DLG2: variants seen among roughly 807,000 people sequenced by gnomAD.
DLG2 encodes the protein disks large homolog 2.
Under a neutral mutation model 132.5 loss-of-function variants are expected in DLG2, and 45 were observed. The observed-to-expected ratio is 0.34, with a 90% CI of 0.27 to 0.44. The LOEUF is 0.44. Among genes scored for constraint, DLG2 ranks in the 20% least tolerant of loss-of-function variants. The pLI is 1.00. For synonymous variants in DLG2, 424 were observed against 419.6 expected (o/e 1.01, Z -0.13); for missense variants, 1,045 against 1,196.9 (o/e 0.87, Z 1.87).
intron 6 of DLG2, among the ~76,000 whole-genome samples, chr11:84,960,367 A>G (rs949068901): frequency 2.2e-4 from 33 of 152,182 alleles, no homozygotes; most frequent in Non-Finnish European, 2.9e-5. Flanking sequence ...AATTTTCCCT[A>G]AATTCCAACT....
chr11:84,725,981 C>T (rs1264912765), intron 6 of DLG2, among the ~76,000 whole-genome samples: 1 of 152,008 alleles, frequency 6.6e-6, no homozygotes, highest in African/African-American at 2.4e-5. Flanking sequence ...TCTCCTTAGA[C>T]CCTTTCTCAG....
intron 19 of DLG2, among the ~76,000 whole-genome samples, chr11:83,587,591 T>C (rs560783727): frequency 3.5e-4 from 53 of 152,334 alleles, no homozygotes; most frequent in African/African-American, 9.4e-4. Flanking sequence ...AGAATTTATA[T>C]ATAGAGAGAG....
In DLG2 at chr11:85,150,010, A is replaced by ATTTTTTTTTTTTTTTTTTTTTTTTT. The variant is rs962380618; in HGVS notation, c.282+4521_282+4545dup. Among the ~76,000 whole-genome samples the ATTTTTTTTTTTTTTTTTTTTTTTTT allele has an allele frequency of 1.3e-4, 15 of 112,304 alleles. 1 individual carries two copies. Among genetic ancestry groups the ATTTTTTTTTTTTTTTTTTTTTTTTT allele is most frequent in the African/African-American group, 4.2e-4 (11 of 26,096 alleles). The allele number at this position is 112,304 out of a possible 152,430, so 73.7% of individuals were successfully genotyped here. ...ATTAACTCAAAAACATCAGTTTTTAATTTTTTTTTTTTTTTTTTTTTTTTT... is the reference window on the plus strand; with the variant it reads ...ATTAACTCAAAAACATCAGTTTTTAATTTTTTTTTTTTTTTTTTTTTTTTTTTTTTTTTTTTTTTTTTTTTTTTTT... On this transcript the variant is annotated intron_variant, in intron 5 of 27. Transcript: ENST00000376104.
At chr11:85,192,360 T>C (rs1404769821) in intron 4 of DLG2, among the ~76,000 whole-genome samples, 2 of 152,192 alleles carry the variant, frequency 1.3e-5, no homozygotes, top group East Asian at 1.9e-4. Context: ...AATTAATTCA[T>C]CCAAGGAATT....
At chr11:83,808,441 A>G (rs2046463623) in intron 17 of DLG2, among the ~76,000 whole-genome samples, 1 of 152,112 alleles carries the variant, frequency 6.6e-6, no homozygotes, top group Non-Finnish European at 1.5e-5. Flanking sequence ...AAGAGGCATT[A>G]AGTCAGTAAG....
At chr11:83,844,087 G>C (rs1401139628) in intron 16 of DLG2, among the ~76,000 whole-genome samples, 1 of 152,130 alleles carries the variant, frequency 6.6e-6, no homozygotes, top group African/African-American at 2.4e-5. Context: ...GCATGAATAG[G>C]ACTGTGTGAG....
chr11:84,867,741 G>C (rs2084806178), intron 6 of DLG2, among the ~76,000 whole-genome samples: 1 of 152,084 alleles, frequency 6.6e-6, no homozygotes. Context: ...ACACATCAAG[G>C]GTACCAGAGT....
chr11:85,552,631 A>G (rs1426147139), intron 3 of DLG2, among the ~76,000 whole-genome samples: 1 of 151,716 alleles, frequency 6.6e-6, no homozygotes, highest in Non-Finnish European at 1.5e-5. Flanking sequence ...CTAAAAAGGC[A>G]TTAACATTTT....
At chr11:84,233,487 T>C (rs2097121595) in intron 8 of DLG2, among the ~76,000 whole-genome samples, 1 of 152,186 alleles carries the variant, frequency 6.6e-6, no homozygotes, top group African/African-American at 2.4e-5. Flanking sequence ...GCCAGGCATG[T>C]CCAACATGGA....
chr11:83,652,895 C>T (rs2071043523), intron 18 of DLG2, among the ~76,000 whole-genome samples: 1 of 152,148 alleles, frequency 6.6e-6, no homozygotes. Context: ...ACATTACTAG[C>T]TCACACCTTC....
chr11:85,296,467 C>CTTTTTTTTTTTTTTTTTTTTCTT (rs66526147), intron 3 of DLG2, among the ~76,000 whole-genome samples: 1 of 121,556 alleles, frequency 8.2e-6, no homozygotes, highest in African/African-American at 3.1e-5. Context: ...TTTCGATTTT[C>CTTTTTTTTTTTTTTTTTTTTCTT]TTTTTTTTTT....
chr11:85,370,000 T>G (rs1480338392), intron 3 of DLG2, among the ~76,000 whole-genome samples: 1 of 152,234 alleles, frequency 6.6e-6, no homozygotes, highest in Non-Finnish European at 1.5e-5. Context: ...ATAGGTGAAC[T>G]GAAGAATGCA....
chr11:84,286,604 A>G (rs1162834740), intron 7 of DLG2, among the ~76,000 whole-genome samples: 1 of 152,246 alleles, frequency 6.6e-6, no homozygotes, highest in African/African-American at 2.4e-5. Flanking sequence ...TGGTACTTTT[A>G]GCATGCTAAT....
chr11:83,719,565 C>T (rs888417510), intron 18 of DLG2, among the ~76,000 whole-genome samples: 1 of 152,118 alleles, frequency 6.6e-6, no homozygotes, highest in African/African-American at 2.4e-5. Flanking sequence ...AGAAGTCAAA[C>T]AGTGAGAAAA....
intron 10 of DLG2, among the ~76,000 whole-genome samples, chr11:84,066,363 C>A (rs928993726): frequency 6.6e-6 from 1 of 152,108 alleles, no homozygotes; most frequent in Non-Finnish European, 1.5e-5. Flanking sequence ...TTTTGATATA[C>A]AAACTTTACC....
intron 7 of DLG2, among the ~76,000 whole-genome samples, chr11:84,312,967 G>A (rs1032247550): frequency 1.3e-5 from 2 of 148,670 alleles, no homozygotes; most frequent in African/African-American, 2.5e-5. Flanking sequence ...CCGCCACCAC[G>A]CCCGGCCAAT....
At chr11:83,616,881 G>A (rs1713367088) in intron 19 of DLG2, among the ~76,000 whole-genome samples, 2 of 152,154 alleles carry the variant, frequency 1.3e-5, no homozygotes, top group Non-Finnish European at 2.9e-5. Context: ...AATTGATGCA[G>A]TGTCATTTAC....
chr11:84,385,151 T>C (rs1024383904), intron 7 of DLG2, among the ~76,000 whole-genome samples: 1 of 152,044 alleles, frequency 6.6e-6, no homozygotes, highest in Admixed American at 6.6e-5. Context: ...CCTTCCACAC[T>C]TAAACTGGTA....
At chr11:83,703,075 T>C (rs978600671) in intron 18 of DLG2, among the ~76,000 whole-genome samples, 6 of 152,240 alleles carry the variant, frequency 3.9e-5, no homozygotes, top group African/African-American at 1.4e-4. Context: ...AACTCTCACA[T>C]AGCCCCAGGA....
Sources: allele counts gnomAD v4.1 joint callset (sites outside exome capture counted in the v4.1 genomes callset), GRCh38; gene constraint gnomAD v4.1.1; transcripts MANE v1.5; gene names NCBI Gene and HGNC (gene_info 2026-07-23, HGNC 2026-07-21).